The following REDIC1 variants were observed in gnomAD, a reference collection of about 807,000 sequenced individuals.
The protein encoded by REDIC1 is regulator of DNA class I crossover intermediates 1.
At chr12:39,792,677 T>A in the REDIC1 span, among the ~76,000 whole-genome samples, 10 of 152,070 alleles carry the variant, frequency 6.6e-5, no homozygotes, top group African/African-American at 1.9e-4. Flanking sequence ...GCCCTACAGA[T>A]ACCAAAAGTC....
the REDIC1 span, among the ~76,000 whole-genome samples, chr12:39,648,930 T>C: frequency 6.6e-6 from 1 of 151,852 alleles, no homozygotes; most frequent in Non-Finnish European, 1.5e-5. Context: ...TGACCCATGC[T>C]AGCCTTGTTA....
the REDIC1 span, among the ~76,000 whole-genome samples, chr12:39,676,383 C>T: frequency 1.3e-5 from 2 of 151,916 alleles, no homozygotes; most frequent in Non-Finnish European, 2.9e-5. Context: ...TTGAATTAAC[C>T]CAATCCAGCA....
the REDIC1 span, among the ~76,000 whole-genome samples, chr12:39,738,730 T>A: frequency 6.6e-6 from 1 of 152,206 alleles, no homozygotes; most frequent in South Asian, 2.1e-4. Context: ...TCATTTTAGA[T>A]GAGATCAGAT....
the REDIC1 span, among the ~76,000 whole-genome samples, chr12:39,854,574 C>T: frequency 6.6e-5 from 10 of 152,124 alleles, no homozygotes; most frequent in Non-Finnish European, 1.2e-4. Flanking sequence ...CTCAGACTCT[C>T]ACAATCTCTC....
the REDIC1 span, among the ~76,000 whole-genome samples, chr12:39,813,560 T>G: frequency 1.3e-5 from 2 of 152,128 alleles, no homozygotes; most frequent in African/African-American, 4.8e-5. Context: ...ACCTGAAAAA[T>G]TAACAATAAT....
the REDIC1 span, among the ~76,000 whole-genome samples, chr12:39,894,131 G>A: frequency 0.51 from 76,993 of 151,968 alleles, 20,024 homozygotes; most frequent in Middle Eastern, 0.57. Context: ...CTCCTATAGT[G>A]CCACGTCACT....
chr12:39,699,655 A>G, the REDIC1 span, among the ~76,000 whole-genome samples: 111,847 of 150,168 alleles, frequency 0.74, 42,586 homozygotes, highest in Non-Finnish European at 0.84. Context: ...GCAGGGCACA[A>G]ACAAAAAGCA....
At chr12:39,732,419 G>C in the REDIC1 span, among the ~76,000 whole-genome samples, 1 of 152,114 alleles carries the variant, frequency 6.6e-6, no homozygotes, top group Non-Finnish European at 1.5e-5. Flanking sequence ...TCATTAGGAG[G>C]CTCGTAATGT....
chr12:39,820,633 C>T, the REDIC1 span, among the ~76,000 whole-genome samples: 1 of 151,194 alleles, frequency 6.6e-6, no homozygotes, highest in Non-Finnish European at 1.5e-5. Context: ...AGCAAAAAAC[C>T]TCCTGAGATT....
the REDIC1 span, chr12:39,720,978 T>C: frequency 3.7e-6 from 6 of 1,613,606 alleles, no homozygotes; most frequent in Non-Finnish European, 5.1e-6. Flanking sequence ...TGAAAAATAA[T>C]ACAGATCAGT....
chr12:39,748,662 G>C, the REDIC1 span, among the ~76,000 whole-genome samples: 2 of 152,112 alleles, frequency 1.3e-5, no homozygotes, highest in Non-Finnish European at 2.9e-5. Context: ...TGACCACATA[G>C]TTGGAAGTAA....
At chr12:39,817,103 G>C in the REDIC1 span, among the ~76,000 whole-genome samples, 1 of 152,234 alleles carries the variant, frequency 6.6e-6, no homozygotes, top group African/African-American at 2.4e-5. Flanking sequence ...AAAACACAGA[G>C]AACATCTCAT....
the REDIC1 span, among the ~76,000 whole-genome samples, chr12:39,629,119 A>G: frequency 6.6e-6 from 1 of 152,244 alleles, no homozygotes; most frequent in South Asian, 2.1e-4. Flanking sequence ...CAGAGCAAGC[A>G]CCAAAGGGAA....
the REDIC1 span, among the ~76,000 whole-genome samples, chr12:39,658,283 C>T: frequency 2.6e-5 from 4 of 152,018 alleles, no homozygotes; most frequent in African/African-American, 9.7e-5. Flanking sequence ...TGGGGTTTCA[C>T]CATGTTGGCC....
At chr12:39,727,862 C>A in the REDIC1 span, among the ~76,000 whole-genome samples, 1 of 152,148 alleles carries the variant, frequency 6.6e-6, no homozygotes, top group African/African-American at 2.4e-5. Flanking sequence ...TTGAAGAGAT[C>A]CTTCACATCC....
the REDIC1 span, among the ~76,000 whole-genome samples, chr12:39,892,387 G>A: frequency 3.9e-5 from 6 of 152,272 alleles, no homozygotes; most frequent in East Asian, 3.9e-4. Flanking sequence ...TGTCTGGCCC[G>A]GCCACAGGAC....
chr12:39,828,869 T>C, the REDIC1 span, among the ~76,000 whole-genome samples: 1 of 152,176 alleles, frequency 6.6e-6, no homozygotes, highest in South Asian at 2.1e-4. Flanking sequence ...TGAGTGTTCA[T>C]TTAAAACACT....
chr12:39,856,747 C>T, the REDIC1 span, among the ~76,000 whole-genome samples: 1 of 152,306 alleles, frequency 6.6e-6, no homozygotes, highest in African/African-American at 2.4e-5. Flanking sequence ...GAACACGTAG[C>T]AAGGTTATGT....
At chr12:39,653,495 T>G in the REDIC1 span, among the ~76,000 whole-genome samples, 11 of 19,128 alleles carry the variant, frequency 5.8e-4, no homozygotes, top group Middle Eastern at 0.031. Flanking sequence ...TCTGGATGTC[T>G]TCTTCTTCTT....
Sources: gnomAD v4.1 joint callset for allele counts (sites outside exome capture counted in the v4.1 genomes callset) on GRCh38, gnomAD v4.1.1 for gene constraint, MANE v1.5 for transcripts, NCBI Gene and HGNC (gene_info 2026-07-23, HGNC 2026-07-21) for gene names.